The following CDH18 variants were observed in gnomAD, a reference collection of about 807,000 sequenced individuals.
The protein encoded by CDH18 is cadherin-18.
Under a neutral mutation model 67.9 loss-of-function variants are expected in CDH18, and 31 were observed. The observed-to-expected ratio is 0.46, with a 90% CI of 0.34 to 0.62. CDH18 has a LOEUF of 0.62. CDH18 is among the 20% of genes least tolerant of loss of function. CDH18 has a pLI of 0.01. For synonymous variants in CDH18, 362 were observed against 347.2 expected, an observed-to-expected ratio of 1.04 and a Z score of -0.48; for missense variants, 890 against 975.5, an observed-to-expected ratio of 0.91 and a Z score of 1.17.
At chr5:19,859,817 C>T (rs1042523336) in intron 2 of CDH18, among the ~76,000 whole-genome samples, 2 of 152,264 alleles carry the variant, frequency 1.3e-5, no homozygotes, top group Middle Eastern at 3.4e-3. Flanking sequence ...CCACCTTGGG[C>T]ACATGTTCTC....
intron 2 of CDH18, among the ~76,000 whole-genome samples, chr5:20,075,518 CAAACA>C (rs1459998156): frequency 4.1e-5 from 6 of 145,660 alleles, no homozygotes; most frequent in African/African-American, 1.6e-4. Flanking sequence ...AACAAACAAA[CAAACA>C]AAAAAACCTG....
rs181543254 is a variant in CDH18 at position 19,667,668 on chromosome 5, C to T, written c.643+53679G>A. 5.1e-3 allele frequency among the ~76,000 whole-genome samples: 766 copies of T among 151,526 alleles called. 5 individuals carry two copies. The highest frequency in any genetic ancestry group is 0.018 in the African/African-American group (733 of 41,436). ...GCCAATTTAAACAGATAAAATTACA[C>T]AAATGTTTATTCTATCAAAATGTTT... On this transcript the variant is annotated intron_variant, in intron 5 of 12. Coordinates refer to ENST00000382275, the MANE Select transcript of CDH18 (RefSeq NM_004934.5).
chr5:20,474,824 G>T (rs57869209), intron 1 of CDH18, among the ~76,000 whole-genome samples: 14,763 of 152,128 alleles, frequency 0.097, 2,280 homozygotes, highest in African/African-American at 0.33. Context: ...TTTCAGCTAA[G>T]AATGTGAATT....
chr5:19,920,229 T>C (rs7720092), intron 2 of CDH18, among the ~76,000 whole-genome samples: 5,429 of 152,324 alleles, frequency 0.036, 329 homozygotes, highest in East Asian at 0.25. Context: ...GACTTTATTA[T>C]ATAATTTAGA....
chr5:20,404,506 T>A (rs1241425707), intron 1 of CDH18, among the ~76,000 whole-genome samples: 1 of 152,052 alleles, frequency 6.6e-6, no homozygotes, highest in Non-Finnish European at 1.5e-5. Context: ...CTAATTTTAA[T>A]ATTACTGTGT....
chr5:19,624,794 A>C (rs887136307), intron 5 of CDH18, among the ~76,000 whole-genome samples: 1 of 152,242 alleles, frequency 6.6e-6, no homozygotes, highest in South Asian at 2.1e-4. Context: ...TGTTCCCCTT[A>C]ATCTCTAGTA....
chr5:20,389,687 C>A (rs1191355674), intron 1 of CDH18, among the ~76,000 whole-genome samples: 6 of 152,090 alleles, frequency 3.9e-5, no homozygotes, highest in Admixed American at 2.6e-4. Context: ...CAAGTCAATC[C>A]TAAGCCAAAA....
chr5:19,948,188 T>TC (rs1444350564), intron 2 of CDH18, among the ~76,000 whole-genome samples: 1 of 152,156 alleles, frequency 6.6e-6, no homozygotes, highest in Non-Finnish European at 1.5e-5. Flanking sequence ...AGACATCCAC[T>TC]CCTTAAATTA....
chr5:20,332,670 A>G (rs967876008), intron 1 of CDH18, among the ~76,000 whole-genome samples: 8 of 152,266 alleles, frequency 5.3e-5, no homozygotes, highest in Non-Finnish European at 8.8e-5. Context: ...ATGTCATTAA[A>G]TTCCTAGATT....
chr5:20,234,274 C>T (rs541292948), intron 2 of CDH18, among the ~76,000 whole-genome samples: 2 of 152,138 alleles, frequency 1.3e-5, no homozygotes, highest in African/African-American at 4.8e-5. Context: ...AATATTTCTT[C>T]AGTCATATTC....
intron 1 of CDH18, among the ~76,000 whole-genome samples, chr5:20,491,657 C>T (rs981586): frequency 0.039 from 5,870 of 152,234 alleles, 367 homozygotes; most frequent in African/African-American, 0.13. Context: ...TCAAGGAGAT[C>T]AGGATTTTGT....
chr5:19,876,350 C>T (rs921048069), intron 2 of CDH18, among the ~76,000 whole-genome samples: 1 of 152,010 alleles, frequency 6.6e-6, no homozygotes, highest in Non-Finnish European at 1.5e-5. Flanking sequence ...TTTTCACTGC[C>T]TACTCCAGAT....
chr5:19,933,595 A>G (rs1435888627), intron 2 of CDH18, among the ~76,000 whole-genome samples: 3 of 151,524 alleles, frequency 2.0e-5, no homozygotes, highest in Non-Finnish European at 4.4e-5. Flanking sequence ...TTTTGCCATC[A>G]TAACTCCACC....
chr5:19,663,604 A>T (rs1560980181), intron 5 of CDH18, among the ~76,000 whole-genome samples: 1 of 151,996 alleles, frequency 6.6e-6, no homozygotes, highest in Non-Finnish European at 1.5e-5. Flanking sequence ...CCGTTTTGCC[A>T]TGATTCCTGG....
chr5:20,328,563 T>G (rs1738845849), intron 1 of CDH18, among the ~76,000 whole-genome samples: 1 of 152,084 alleles, frequency 6.6e-6, no homozygotes, highest in South Asian at 2.1e-4. Context: ...GGAGAATTTC[T>G]TTTAATAAAT....
chr5:20,428,265 G>A (rs1005536096), intron 1 of CDH18, among the ~76,000 whole-genome samples: 2 of 148,796 alleles, frequency 1.3e-5, no homozygotes, highest in Non-Finnish European at 2.9e-5. Flanking sequence ...TCCCTGAAAA[G>A]GACATGAACT....
chr5:20,187,327 CAA>C (rs981900883), intron 2 of CDH18, among the ~76,000 whole-genome samples: 1 of 151,292 alleles, frequency 6.6e-6, no homozygotes, highest in Non-Finnish European at 1.5e-5. Flanking sequence ...TAATATTAGG[CAA>C]AAAAATGTGT....
chr5:20,213,189 T>C (rs186709465), intron 2 of CDH18, among the ~76,000 whole-genome samples: 1 of 152,260 alleles, frequency 6.6e-6, no homozygotes, highest in East Asian at 1.9e-4. Context: ...TATTGTTGTA[T>C]CTCAGAGAAT....
At chr5:20,458,189 C>T (rs1413864639) in intron 1 of CDH18, among the ~76,000 whole-genome samples, 1 of 152,148 alleles carries the variant, frequency 6.6e-6, no homozygotes, top group Non-Finnish European at 1.5e-5. Flanking sequence ...ACAGTCATAG[C>T]TCACTGCAGC....
Sources: allele counts gnomAD v4.1 joint callset (sites outside exome capture counted in the v4.1 genomes callset), GRCh38; gene constraint gnomAD v4.1.1; transcripts MANE v1.5; gene names NCBI Gene and HGNC (gene_info 2026-07-23, HGNC 2026-07-21).